Variants in PLAA observed in about 807,000 individuals in gnomAD.
PLAA encodes phospholipase A2 activating protein, also known as phospholipase A-2-activating protein.
PLAA carries 48 observed loss-of-function variants against 84.1 expected under a neutral mutation model. That is an observed-to-expected ratio of 0.57 (90% CI 0.45 to 0.73). The LOEUF (loss-of-function observed/expected upper bound fraction) is 0.73, where lower values mean the gene tolerates loss of function less well. Ranked by LOEUF, PLAA falls within the 30% of genes least tolerant of loss-of-function variation. The pLI is 0.00. For synonymous variants in PLAA, 392 were observed against 336.6 expected (o/e 1.16, Z -1.80); for missense variants, 903 against 954.7 (o/e 0.95, Z 0.71).
chr9:26,929,001 C>T (rs1043208105), intron 2 of PLAA, among the ~76,000 whole-genome samples: 4 of 152,042 alleles, frequency 2.6e-5, no homozygotes, highest in African/African-American at 7.2e-5. Context: ...AGTTAGAGAC[C>T]GGCCTGGGCA....
At chr9:26,918,562 T>G (rs1221944028) in intron 9 of PLAA, among the ~76,000 whole-genome samples, 2 of 152,102 alleles carry the variant, frequency 1.3e-5, no homozygotes, top group Non-Finnish European at 2.9e-5. Flanking sequence ...TGGATCTACA[T>G]AAGGATTTGA....
intron 9 of PLAA, among the ~76,000 whole-genome samples, chr9:26,917,695 G>C (rs1037076323): frequency 3.3e-4 from 50 of 152,216 alleles, no homozygotes; most frequent in South Asian, 8.3e-4. Context: ...ATTAGAAAAG[G>C]GATGAAAACT....
rs1175149046 is a variant in PLAA at position 26,930,103 on chromosome 9, A to AT, written c.344-1696dup. Among the ~76,000 whole-genome samples the AT allele has an allele frequency of 1.8e-4, 26 of 147,164 alleles. No homozygotes were observed. In the East Asian group the frequency reaches 2.5e-3, roughly 14 times the overall value. On this transcript the variant is annotated intron_variant, in intron 2 of 13. Transcript: ENST00000397292. ...TAAAAGCCAGTGCCTTATTATTATT[A>AT]TTATTTTTTTTTTTTTTTTGAGACA...
chr9:26,947,026 C>G lies in PLAA; in HGVS notation c.20G>C (p.Arg7Thr). The G allele has an allele frequency of 6.3e-7, 1 of 1,587,612 alleles. No individual in the cohort carries two copies. Among genetic ancestry groups the G allele is most frequent in the Non-Finnish European group, 8.6e-7 (1 of 1,167,664 alleles). The change falls in exon 1 of 14, where the codon AGG (arginine) becomes ACG (threonine). Residue 7 changes from arginine to threonine, a missense_variant. Coordinates refer to ENST00000397292, the MANE Select transcript of PLAA (RefSeq NM_001031689.3). MTSGAT[R>T]YRLSCSLRGH... ...CCGGAGCGAGCAGCTCAGCCGGTAC[C>G]TGGTTGCGCCGCTCGTCATGGCCAG...
chr9:26,935,212 A>G lies in PLAA; in HGVS notation c.150-6T>C. On this transcript the variant is annotated splice_polypyrimidine_tract_variant and splice_region_variant and intron_variant, in intron 1 of 13. Coordinates refer to ENST00000397292, the MANE Select transcript of PLAA (RefSeq NM_001031689.3). ...CTGTAAAGCTCCTGTTTGGACTGGA[A>G]AGACAAGATAATTAATAGATACATA... 6 of 1,530,788 alleles carry G rather than the reference A, an allele frequency of 3.9e-6. No individual in the cohort carries two copies. Among genetic ancestry groups the G allele is most frequent in the Non-Finnish European group, 4.4e-6 (5 of 1,143,456 alleles). 94.8% of individuals were successfully genotyped at this position (1,530,788 alleles called of 1,614,324 possible).
chr9:26,911,868 A>C (rs1465212913), intron 11 of PLAA, among the ~76,000 whole-genome samples: 3 of 151,902 alleles, frequency 2.0e-5, no homozygotes, highest in African/African-American at 7.2e-5. Context: ...AGGAATAGAA[A>C]GGGATGAAGG....
chr9:26,936,378 A>C (rs912184540), intron 1 of PLAA, among the ~76,000 whole-genome samples: 7 of 152,208 alleles, frequency 4.6e-5, no homozygotes, highest in African/African-American at 1.4e-4. Flanking sequence ...CAAAGGGCTT[A>C]AGAACTAGAG....
At chr9:26,933,294 G>A (rs2184740) in intron 2 of PLAA, among the ~76,000 whole-genome samples, 12,108 of 146,908 alleles carry the variant, frequency 0.082, 556 homozygotes, top group Middle Eastern at 0.16. Flanking sequence ...AAAAAGCTGC[G>A]CATGGTGGTG....
At chr9:26,935,251 T>G in intron 1 of PLAA, 45 bp from the exon 2 acceptor site, 1 of 1,298,094 alleles carries the variant, frequency 7.7e-7, no homozygotes, top group Non-Finnish European at 1.1e-6. Context: ...GTACCCTGAC[T>G]TAGCCTAGGA....
intron 7 of PLAA, 99 bp downstream of exon 7, chr9:26,923,079 C>A: frequency 3.7e-6 from 3 of 821,220 alleles, no homozygotes; most frequent in Non-Finnish European, 3.8e-6. Flanking sequence ...CAGCATCTAG[C>A]AATGAAAAAC....
intron 2 of PLAA, among the ~76,000 whole-genome samples, chr9:26,929,160 C>A (rs1030147476): frequency 4.6e-5 from 7 of 152,012 alleles, no homozygotes; most frequent in African/African-American, 1.5e-4. Context: ...GATCATATAC[C>A]ACTGCACTTC....
intron 1 of PLAA, among the ~76,000 whole-genome samples, chr9:26,938,019 A>C (rs1825414829): frequency 6.6e-6 from 1 of 152,186 alleles, no homozygotes; most frequent in African/African-American, 2.4e-5. Context: ...AAATTTGATG[A>C]AAGACATGAA....
At position 26,905,058 on chromosome 9, in the gene PLAA, A is replaced by T. The variant is rs540334878; in HGVS notation, c.*453T>A. The T allele has an allele frequency of 1.3e-5, 2 of 152,462 alleles. No individual in the cohort carries two copies. Among genetic ancestry groups the T allele is most frequent in the South Asian group, 2.1e-4 (1 of 4,834 alleles). The allele number at this position is 152,462 out of a possible 1,614,324, so 9.4% of individuals were successfully genotyped here. On this transcript the variant is annotated 3_prime_UTR_variant, in exon 14 of 14. Transcript: ENST00000397292. ...TTATAAATTTAATATAATTTAAAAA[A>T]TTTTAAAGTAGTTATCCTAAAACAA...
chr9:26,916,747 T>C (rs1824575579), intron 10 of PLAA: 1 of 929,260 alleles, frequency 1.1e-6, no homozygotes, highest in Non-Finnish European at 1.3e-6. Flanking sequence ...ACAGGTTAGG[T>C]AACTTGCCAA....
Position 26,935,220 on chromosome 9 carries a change from A to T in PLAA, c.150-14T>A. 4 of 1,512,300 alleles carry T rather than the reference A, an allele frequency of 2.6e-6. No homozygotes were observed. The East Asian group carries it at 9.7e-5, about 37-fold the overall frequency. The allele number at this position is 1,512,300 out of a possible 1,614,324, so 93.7% of individuals were successfully genotyped here. A position where few individuals can be genotyped will look rare whatever the true frequency, so the allele number is the denominator to read the frequency against. Reference sequence around the variant, plus strand: ...CTCCTGTTTGGACTGGAAAGACAAGATAATTAATAGATACATATTCGTACC... The same window carrying T: ...CTCCTGTTTGGACTGGAAAGACAAGTTAATTAATAGATACATATTCGTACC... On this transcript the variant is annotated splice_polypyrimidine_tract_variant and intron_variant, in intron 1 of 13. Transcript: ENST00000397292.
chr9:26,941,017 G>C (rs932067046), intron 1 of PLAA, among the ~76,000 whole-genome samples: 3 of 152,046 alleles, frequency 2.0e-5, no homozygotes, highest in Admixed American at 1.3e-4. Flanking sequence ...GTGCATCTTC[G>C]GTAGTGGTCT....
Position 26,905,815 on chromosome 9 carries a change from T to C in PLAA, c.2084A>G (p.Asn695Ser). ...SHAIELKSGS[N>S]KNIHIALATL... ...AGCCAGAGCAATGTGAATGTTCTTA[T>C]TGCTCCCTGATTTCAGTTCTATTGC... The change falls in exon 14 of 14, where the codon AAT (asparagine) becomes AGT (serine). Residue 695 changes from asparagine (N) to serine (S), a missense_variant. By Grantham distance (46) the Asn-to-Ser change is conservative (BLOSUM62 1). Transcript: ENST00000397292. 1.2e-6 allele frequency: 2 copies of C among 1,614,248 alleles called. No individual in the cohort carries two copies. The highest frequency in any genetic ancestry group is 1.7e-6 in the Non-Finnish European group (2 of 1,180,044).
chr9:26,904,898 A>C lies in PLAA; in HGVS notation c.*613T>G, dbSNP rs372988007. On this transcript the variant is annotated 3_prime_UTR_variant, in exon 14 of 14. Coordinates refer to ENST00000397292, the MANE Select transcript of PLAA (RefSeq NM_001031689.3). ...AGACCTCGTCTGTCTGAACTGATAC[A>C]TGACTAACACAGCTTACCAACTGGC... The C allele has an allele frequency of 1.3e-5, 2 of 152,350 alleles. No individual in the cohort carries two copies. Among genetic ancestry groups the C allele is most frequent in the South Asian group, 4.1e-4 (2 of 4,828 alleles). The allele number at this position is 152,350 out of a possible 1,614,324, so 9.4% of individuals were successfully genotyped here. A position where few individuals can be genotyped will look rare whatever the true frequency, so the allele number is the denominator to read the frequency against.
intron 7 of PLAA, among the ~76,000 whole-genome samples, chr9:26,922,086 T>C (rs925579503): frequency 1.2e-4 from 19 of 152,226 alleles, no homozygotes; most frequent in African/African-American, 2.4e-5. Context: ...ACTGGTAGTT[T>C]AGCCTGCAAC....
Sources: gnomAD v4.1 joint callset for allele counts (sites outside exome capture counted in the v4.1 genomes callset) on GRCh38, gnomAD v4.1.1 for gene constraint, MANE v1.5 for transcripts, NCBI Gene and HGNC (gene_info 2026-07-23, HGNC 2026-07-21) for gene names.